The following CACNA1E variants were observed in gnomAD, a reference collection of about 807,000 sequenced individuals.
The protein encoded by CACNA1E is calcium voltage-gated channel subunit alpha1 E, also known as voltage-dependent R-type calcium channel subunit alpha-1E.
A neutral mutation model predicts 259.2 loss-of-function variants in CACNA1E; 40 were observed. The ratio of observed to expected loss-of-function variants is 0.15; its 90% CI spans 0.12 to 0.20. The LOEUF is 0.20. CACNA1E is among the 10% of genes least tolerant of loss of function. The pLI is 1.00. For synonymous variants in CACNA1E, 1,104 were observed against 1,138.5 expected (o/e 0.97, Z 0.61); for missense variants, 1,874 against 3,040.1 (o/e 0.62, Z 9.02).
At chr1:181,676,698 A>G (rs1417909685) in intron 7 of CACNA1E, among the ~76,000 whole-genome samples, 8 of 152,224 alleles carry the variant, frequency 5.3e-5, no homozygotes, top group Non-Finnish European at 1.2e-4. Context: ...TGGATGATGT[A>G]TAAGTGAACT....
At chr1:181,427,415 CT>C (rs1171743638) in intron 2 of CACNA1E, among the ~76,000 whole-genome samples, 1 of 148,156 alleles carries the variant, frequency 6.7e-6, no homozygotes, top group Non-Finnish European at 1.5e-5. Context: ...TCTCAACCCC[CT>C]CCACCTCAAC....
chr1:181,592,035 A>C (rs577635684), intron 6 of CACNA1E, among the ~76,000 whole-genome samples: 1 of 152,230 alleles, frequency 6.6e-6, no homozygotes, highest in African/African-American at 2.4e-5. Context: ...GCCAACCTTG[A>C]GTGTACACTC....
intron 39 of CACNA1E, among the ~76,000 whole-genome samples, chr1:181,782,538 C>A (rs1439282259): frequency 6.6e-6 from 1 of 152,208 alleles, no homozygotes; most frequent in African/African-American, 2.4e-5. Flanking sequence ...AAGAAACTGG[C>A]TTTCCACTCT....
chr1:181,737,532 A>G lies in CACNA1E; in HGVS notation c.3430A>G (p.Arg1144Gly). 2 of 1,613,762 alleles carry G rather than the reference A, an allele frequency of 1.2e-6. No individual in the cohort carries two copies. Among genetic ancestry groups the G allele is most frequent in the Non-Finnish European group, 1.7e-6 (2 of 1,179,748 alleles). ...FIFSTTNPIR[R>G]ACHYIVNLRY... is the part of the protein sequence containing the mutation. ...CATGCCCACTGCCCGCAGGATCCGGAGGGCCTGCCACTACATCGTGAACCT... is the reference window on the plus strand; with the variant it reads ...CATGCCCACTGCCCGCAGGATCCGGGGGGCCTGCCACTACATCGTGAACCT... The change falls in exon 23 of 48, where the codon AGG (arginine) becomes GGG (glycine). Residue 1144 changes from arginine to glycine, a missense_variant. Around this residue, in one of 14 missense-constraint regions of CACNA1E, gnomAD observed 56 missense variants for 97.4 expected, o/e 0.57. Coordinates refer to ENST00000367573, the MANE Select transcript of CACNA1E (RefSeq NM_001205293.3).
At chr1:181,738,035 C>G (rs1656219280) in intron 23 of CACNA1E, among the ~76,000 whole-genome samples, 1 of 152,218 alleles carries the variant, frequency 6.6e-6, no homozygotes, top group Admixed American at 6.5e-5. Flanking sequence ...GCGAGGAGGA[C>G]AGGAGCTGAC....
chr1:181,508,328 A>G (rs1289910227), intron 1 of CACNA1E, among the ~76,000 whole-genome samples: 1 of 152,160 alleles, frequency 6.6e-6, no homozygotes, highest in Non-Finnish European at 1.5e-5. Flanking sequence ...GCATCTTAGG[A>G]ATACCACTCT....
intron 6 of CACNA1E, among the ~76,000 whole-genome samples, chr1:181,594,925 A>C (rs757363964): frequency 6.6e-6 from 1 of 152,224 alleles, no homozygotes; most frequent in African/African-American, 2.4e-5. Flanking sequence ...TAAAGTTATG[A>C]ACATTCATGT....
chr1:181,569,408 CT>C (rs1180213751), intron 3 of CACNA1E, among the ~76,000 whole-genome samples: 1 of 152,184 alleles, frequency 6.6e-6, no homozygotes, highest in Non-Finnish European at 1.5e-5. Flanking sequence ...GCCTCGTCCT[CT>C]TCCCTCAGAT....
intron 7 of CACNA1E, among the ~76,000 whole-genome samples, chr1:181,653,435 T>C (rs1353759408): frequency 2.0e-5 from 3 of 152,210 alleles, no homozygotes; most frequent in Middle Eastern, 3.2e-3. Context: ...GCCTTTCACC[T>C]TCTGCCATGA....
At chr1:181,714,078 G>A (rs114968887) in intron 8 of CACNA1E, among the ~76,000 whole-genome samples, 1,762 of 152,170 alleles carry the variant, frequency 0.012, 31 homozygotes, top group African/African-American at 0.039. Flanking sequence ...CCTCAAATTA[G>A]CATAGACCCC....
At chr1:181,401,762 T>C (rs1406383917) in intron 1 of CACNA1E, among the ~76,000 whole-genome samples, 1 of 152,198 alleles carries the variant, frequency 6.6e-6, no homozygotes, top group Non-Finnish European at 1.5e-5. Flanking sequence ...GCTTGAAAGA[T>C]GTGTGGCAGG....
intron 44 of CACNA1E, among the ~76,000 whole-genome samples, chr1:181,791,951 CAGAG>C: frequency 6.6e-6 from 1 of 152,204 alleles, no homozygotes; most frequent in East Asian, 1.9e-4. Flanking sequence ...AGTGCTGAGA[CAGAG>C]AATCGTGCAT....
chr1:181,781,318 T>A, intron 38 of CACNA1E, 109 bp from the exon 39 acceptor site: 1 of 666,896 alleles, frequency 1.5e-6, no homozygotes, highest in East Asian at 2.7e-5. Flanking sequence ...GAATGCCTAT[T>A]CTCCTCTCCT....
Position 181,614,194 on chromosome 1 carries a change from A to G in CACNA1E, c.951+33418A>G, listed in dbSNP as rs1310024176. 2.6e-5 allele frequency among the ~76,000 whole-genome samples: 4 copies of G among 151,962 alleles called. No homozygotes were observed. The East Asian group carries it at 5.8e-4, about 22-fold the overall frequency. ...ACGTAGCTGCTACAACTACTTCGCA[A>G]TTTTCTTTTCTTTTCTTTTTTTTCT... On this transcript the variant is annotated intron_variant, in intron 6 of 47. Transcript: ENST00000367573.
At position 181,694,637 on chromosome 1, in the gene CACNA1E, T is replaced by C. The variant is rs79749326; in HGVS notation, c.1056-16317T>C. 5.1e-3 allele frequency among the ~76,000 whole-genome samples: 782 copies of C among 152,334 alleles called. 20 individuals are homozygous for C. The highest frequency in any genetic ancestry group is 0.018 in the African/African-American group (743 of 41,576). ...CCTTGCAAGATACAACCCGTTGATC[T>C]TGGACTTCTCAGCCACCAGAACAAT... On this transcript the variant is annotated intron_variant, in intron 7 of 47. Transcript: ENST00000367573.
At chr1:181,560,564 T>C (rs938071579) in intron 3 of CACNA1E, among the ~76,000 whole-genome samples, 5 of 152,238 alleles carry the variant, frequency 3.3e-5, no homozygotes, top group South Asian at 2.1e-4. Flanking sequence ...TAATATTCCA[T>C]TGAGTGCACC....
At chr1:181,691,964 T>A (rs1412373635) in intron 7 of CACNA1E, among the ~76,000 whole-genome samples, 1 of 151,964 alleles carries the variant, frequency 6.6e-6, no homozygotes, top group Non-Finnish European at 1.5e-5. Flanking sequence ...ACAACTTCAG[T>A]GAAGTTTCAG....
At chr1:181,761,608 G>C (rs936548664) in intron 32 of CACNA1E, among the ~76,000 whole-genome samples, 18 of 152,084 alleles carry the variant, frequency 1.2e-4, no homozygotes, top group African/African-American at 4.3e-4. Context: ...TTCTCCTCCT[G>C]GTACTTTCTC....
At chr1:181,436,200 A>T (rs1305377552) in intron 2 of CACNA1E, among the ~76,000 whole-genome samples, 1 of 152,260 alleles carries the variant, frequency 6.6e-6, no homozygotes, top group East Asian at 1.9e-4. Context: ...TGGCTATAAT[A>T]AAAGAGACAA....
Sources: gnomAD v4.1 joint callset for allele counts (sites outside exome capture counted in the v4.1 genomes callset) on GRCh38, gnomAD v4.1.1 for gene constraint, gnomAD v4.1.1 regional missense constraint, MANE v1.5 for transcripts, NCBI Gene and HGNC (gene_info 2026-07-23, HGNC 2026-07-21) for gene names.